Variants in ABCB6 observed in about 807,000 individuals in gnomAD.
ABCB6 encodes the protein ATP binding cassette subfamily B member 6 (LAN blood group).
ABCB6 carries 87 observed loss-of-function variants against 99.4 expected under a neutral mutation model. The observed-to-expected ratio is 0.88, with a 90% CI of 0.74 to 1.05. The LOEUF is 1.05. Ranked by LOEUF, ABCB6 falls within the 50% of genes least tolerant of loss-of-function variation. The pLI, the probability that ABCB6 is intolerant of heterozygous loss-of-function variation, is 0.00. For synonymous variants in ABCB6, 482 were observed against 447.5 expected (o/e 1.08, Z -0.97); for missense variants, 1,050 against 1,097.9 (o/e 0.96, Z 0.62).
At position 219,211,055 on chromosome 2, in the gene ABCB6, GAC is replaced by G. The variant is rs1212836912; in HGVS notation, c.2020_2021del (p.Val674ProfsTer3). 6.2e-7 allele frequency: 1 copy of G among 1,614,182 alleles called. No homozygotes were observed. The highest frequency in any genetic ancestry group is 8.5e-7 in the Non-Finnish European group (1 of 1,180,032). ...SHIGVVPQDT[V>X]LFNDTIADNI... ...TGTCGGCGATGGTGTCATTAAAGAG[GAC>G]AGTGTCTTGGGGCACAACTCCAATG... On this transcript the variant is annotated frameshift_variant, in exon 15 of 19. Transcript: ENST00000265316. LOFTEE classifies it high-confidence loss of function.
Position 219,210,963 on chromosome 2 carries a change from A to G in ABCB6, c.2114T>C (p.Ile705Thr). 1 of 1,614,200 alleles carries G rather than the reference A, an allele frequency of 6.2e-7. No individual in the cohort carries two copies. Among genetic ancestry groups the G allele is most frequent in the Non-Finnish European group, 8.5e-7 (1 of 1,180,022 alleles). Residue 705 changes from isoleucine (I) to threonine (T), a missense_variant, in exon 15 of 19, where the codon ATC becomes ACC. Ile to Thr is a moderately conservative substitution (Grantham distance 89). Coordinates refer to ENST00000265316, the MANE Select transcript of ABCB6 (RefSeq NM_005689.4). Reference protein sequence around the residue: ...EVEAAAQAAGIHDAIMAFPEG... With the variant: ...EVEAAAQAAGTHDAIMAFPEG... ...AGGGAAAGCCATAATGGCATCATGG[A>G]TGCCTGCAGCCTGAGCAGCAGCCTC...
At position 219,213,819 on chromosome 2, in the gene ABCB6, G is replaced by A. The variant is rs1403406368; in HGVS notation, c.1578+7C>T. ...GCCCCACTCTCTCATCCAAGATCCT[G>A]CCTCACCTGTAGCTTCTGCTCAGTG... On this transcript the variant is annotated splice_region_variant and intron_variant, in intron 9 of 18. Coordinates refer to ENST00000265316, the MANE Select transcript of ABCB6 (RefSeq NM_005689.4). The A allele has an allele frequency of 6.2e-7, 1 of 1,613,990 alleles. No homozygotes were observed. The highest frequency in any genetic ancestry group is 1.7e-5 in the Admixed American group (1 of 60,008).
At position 219,212,545 on chromosome 2, in the gene ABCB6, C is replaced by G. The variant is rs1559235750; in HGVS notation, c.1864-54G>C. 5.9e-6 allele frequency: 8 copies of G among 1,351,764 alleles called. No individual in the cohort carries two copies. The East Asian group carries it at 1.8e-4, about 31-fold the overall frequency. 83.7% of individuals were successfully genotyped at this position (1,351,764 alleles called of 1,614,324 possible). ...AGGCCCACTGGCTTTTTTTTTGAGA[C>G]CGAATCTCACTCCGTCACCCAGGCT... is the stretch of plus-strand genomic sequence containing the variant. On this transcript the variant is annotated intron_variant, in intron 13 of 18. Coordinates refer to ENST00000265316, the MANE Select transcript of ABCB6 (RefSeq NM_005689.4).
At position 219,209,849 on chromosome 2, in the gene ABCB6, C is replaced by T. The variant is rs925531635; in HGVS notation, c.*89G>A. On this transcript the variant is annotated 3_prime_UTR_variant, in exon 19 of 19. Transcript: ENST00000265316. ...CCCTTACCATAGCTAGCACCATACC[C>T]CAAGACCAGGATGAAATAAGCCAGG... The T allele has an allele frequency of 6.7e-5, 70 of 1,043,872 alleles. No individual in the cohort carries two copies. The African/African-American group carries it at 9.6e-4, about 14-fold the overall frequency. The allele number at this position is 1,043,872 out of a possible 1,614,324, so 64.7% of individuals were successfully genotyped here.
Position 219,213,488 on chromosome 2 carries a change from T to A in ABCB6, c.1670A>T (p.Asn557Ile), listed in dbSNP as rs757181643. 4 of 1,614,204 alleles carry A rather than the reference T, an allele frequency of 2.5e-6. No homozygotes were observed. Among genetic ancestry groups the A allele is most frequent in the South Asian group, 2.2e-5 (2 of 91,078 alleles). Reference protein sequence around the residue: ...FGTYYRMIQTNFIDMENMFDL... With the variant: ...FGTYYRMIQTIFIDMENMFDL... ...AAACATGTTCTCCATGTCAATGAAG[T>A]TGGTCTGGATCATCCTGCAAAAAGG... Residue 557 changes from asparagine (N) to isoleucine (I), a missense_variant, in exon 11 of 19, where the codon AAC (asparagine) becomes ATC (isoleucine). Transcript: ENST00000265316.
In ABCB6 at chr2:219,209,905, T is replaced by G; in HGVS notation, c.*33A>C. On this transcript the variant is annotated 3_prime_UTR_variant, in exon 19 of 19. Transcript: ENST00000265316. The stretch of plus-strand genomic sequence containing the variant: ...GAGACACATCTTATTCCCTTCTGGG[T>G]TAGTCTTTGAGAGGGAAGTGGCCAA... 6.7e-7 allele frequency: 1 copy of G among 1,482,948 alleles called. No homozygotes were observed. Among genetic ancestry groups the G allele is most frequent in the Non-Finnish European group, 9.4e-7 (1 of 1,060,366 alleles). 91.9% of individuals were successfully genotyped at this position (1,482,948 alleles called of 1,614,324 possible).
At position 219,212,988 on chromosome 2, in the gene ABCB6, G is replaced by A; in HGVS notation, c.1863+20C>T. ...GGGAAGCTTGAGGCATCTGGGCCAA[G>A]TGGCTGGGTCTCCTCTCACCAGGGC... On this transcript the variant is annotated intron_variant, in intron 13 of 18. Transcript: ENST00000265316. 1 of 1,613,584 alleles carries A rather than the reference G, an allele frequency of 6.2e-7. No homozygotes were observed. The highest frequency in any genetic ancestry group is 1.6e-4 in the Middle Eastern group (1 of 6,062).
chr2:219,211,049 A>C lies in ABCB6; in HGVS notation c.2028T>G (p.Phe676Leu). The change falls in exon 15 of 19, where the codon TTT becomes TTG. Residue 676 changes from phenylalanine to leucine, a missense_variant. Physicochemically the swap from Phe to Leu is conservative, Grantham distance 22 (BLOSUM62 0). Coordinates refer to ENST00000265316, the MANE Select transcript of ABCB6 (RefSeq NM_005689.4). ...GGATATTGTCGGCGATGGTGTCATT[A>C]AAGAGGACAGTGTCTTGGGGCACAA... ...IGVVPQDTVL[F>L]NDTIADNIRY... 1 of 1,614,164 alleles carries C rather than the reference A, an allele frequency of 6.2e-7. No individual in the cohort carries two copies. The highest frequency in any genetic ancestry group is 8.5e-7 in the Non-Finnish European group (1 of 1,180,020).
intron 6 of ABCB6, 51 bp downstream of exon 6, chr2:219,214,910 A>T: frequency 6.2e-7 from 1 of 1,610,610 alleles, no homozygotes; most frequent in South Asian, 1.1e-5. Flanking sequence ...GCTCATGGCC[A>T]AGGGAGTCCC....
rs995316648 is a variant in ABCB6 at position 219,215,006 on chromosome 2, C to A, written c.1231G>T (p.Ala411Ser). 2 of 1,614,002 alleles carry A rather than the reference C, an allele frequency of 1.2e-6. No homozygotes were observed. The highest frequency in any genetic ancestry group is 1.7e-6 in the Non-Finnish European group (2 of 1,180,032). The change falls in exon 6 of 19, where the codon GCC (alanine) becomes TCC (serine). Residue 411 changes from alanine to serine, a missense_variant. Coordinates refer to ENST00000265316, the MANE Select transcript of ABCB6 (RefSeq NM_005689.4). ...GIIYFSMFFN[A>S]WFGLIVFLCM... is the part of the protein sequence containing the mutation. ...AGGAACACAATGAGGCCAAACCAGGCGTTGAAGAACATGCTGAAGTAGATG... is the reference window on the plus strand; with the variant it reads ...AGGAACACAATGAGGCCAAACCAGGAGTTGAAGAACATGCTGAAGTAGATG...
intron 5 of ABCB6, 75 bp from the exon 6 acceptor site, chr2:219,215,157 G>A: frequency 1.9e-6 from 3 of 1,583,790 alleles, no homozygotes; most frequent in Non-Finnish European, 2.6e-6. Context: ...GGCATTTCAG[G>A]GTAGTGTTTT....
rs1030347455 is a variant in ABCB6 at position 219,218,808 on chromosome 2, G to A, written c.-135C>T. 9 of 1,012,566 alleles carry A rather than the reference G, an allele frequency of 8.9e-6. No homozygotes were observed. The highest frequency in any genetic ancestry group is 1.2e-5 in the Non-Finnish European group (9 of 722,688). The allele number at this position is 1,012,566 out of a possible 1,614,324, so 62.7% of individuals were successfully genotyped here. ...TGGGCGCCAAGCTGCGGGGGTCCCG[G>A]GAAGGGACGCACGTGGACCAGGCCT... On this transcript the variant is annotated 5_prime_UTR_variant, in exon 1 of 19. Coordinates refer to ENST00000265316, the MANE Select transcript of ABCB6 (RefSeq NM_005689.4).
chr2:219,213,661 C>T lies in ABCB6; in HGVS notation c.1584G>A (p.Gly528=), dbSNP rs771200276. The T allele has an allele frequency of 4.3e-6, 7 of 1,614,142 alleles. No homozygotes were observed. Among genetic ancestry groups the T allele is most frequent in the South Asian group, 2.2e-5 (2 of 91,078 alleles). The part of the protein sequence containing the change: ...YFVTEQKLQV[G]DYVLFGTYII... ...TGTAGGTGCCAAAGAGCACATAGTC[C>T]CCAACCTGTGGCAATCAAGGAAGCA... is the stretch of plus-strand genomic sequence containing the variant. Residue 528 remains glycine, a synonymous_variant, in exon 10 of 19, where the codon GGG becomes GGA. Transcript: ENST00000265316.
chr2:219,215,805 G>C, intron 5 of ABCB6, 192 bp downstream of exon 5: 7 of 522,260 alleles, frequency 1.3e-5, no homozygotes, highest in Non-Finnish European at 2.2e-5. Flanking sequence ...AGTGCAGCTC[G>C]AAAGAGATTT....
Position 219,218,907 on chromosome 2 carries a change from C to T in ABCB6, c.-234G>A. On this transcript the variant is annotated 5_prime_UTR_variant, in exon 1 of 19. Coordinates refer to ENST00000265316, the MANE Select transcript of ABCB6 (RefSeq NM_005689.4). ...GGCACGTACGCCGTCTCAGCACGGC[C>T]CCGCTGGCTCTGGGCCCGGGACCCT... 2.0e-6 allele frequency: 1 copy of T among 494,202 alleles called. No individual in the cohort carries two copies. Among genetic ancestry groups the T allele is most frequent in the Admixed American group, 4.1e-5 (1 of 24,262 alleles). The allele number at this position is 494,202 out of a possible 1,614,324, so 30.6% of individuals were successfully genotyped here.
intron 5 of ABCB6, 132 bp downstream of exon 5, chr2:219,215,865 T>C: frequency 1.0e-6 from 1 of 990,316 alleles, no homozygotes; most frequent in South Asian, 2.0e-5. Flanking sequence ...TATACAATAA[T>C]CCTATACTTT....
rs1418963834 is a variant in ABCB6, at chr2:219,217,682, C to T, written c.675G>A (p.Val225=). The T allele has an allele frequency of 1.2e-6, 2 of 1,602,270 alleles. No homozygotes were observed. Among genetic ancestry groups the T allele is most frequent in the African/African-American group, 1.4e-5 (1 of 73,986 alleles). Reference sequence around the variant, plus strand: ...AACTGAGGTGTACCTGGCTCCTTTCCACATCTTGGTCCTCTTCATGAACCT... The same window carrying T: ...AACTGAGGTGTACCTGGCTCCTTTCTACATCTTGGTCCTCTTCATGAACCT... ...TLQVHEEDQD[V]ERSQVRSAAQ... The change falls in exon 2 of 19, where the codon GTG becomes GTA. Residue 225 remains valine, a synonymous_variant. Transcript: ENST00000265316.
chr2:219,213,532 T>G, intron 10 of ABCB6, 30 bp from the exon 11 acceptor site: 1 of 1,614,162 alleles, frequency 6.2e-7, no homozygotes, highest in East Asian at 2.2e-5. Context: ...AGGACTTCTC[T>G]GAGTAGCCAG....
rs1950644950 is a variant in ABCB6 at position 219,216,604 on chromosome 2, C to T, written c.868+48G>A. 6.5e-7 allele frequency: 1 copy of T among 1,537,902 alleles called. No individual in the cohort carries two copies. The highest frequency in any genetic ancestry group is 8.8e-7 in the Non-Finnish European group (1 of 1,136,242). On this transcript the variant is annotated intron_variant, in intron 3 of 18. Transcript: ENST00000265316. This position sits in a 1 kb window ranked among gnomAD's most constrained non-coding sequence, Gnocchi z 4.2. ...CCTAGGTAAGGACCATCCCAGCCAC[C>T]AGGCTGATGAAGGACCAGCACACTG...
Sources: allele counts gnomAD v4.1 joint callset, GRCh38; gene constraint gnomAD v4.1.1; non-coding constraint Gnocchi (gnomAD v3.1); transcripts MANE v1.5; gene names NCBI Gene and HGNC (gene_info 2026-07-23, HGNC 2026-07-21).